Variants in PLCXD3 observed in about 807,000 individuals in gnomAD.
The protein encoded by PLCXD3 is phosphatidylinositol specific phospholipase C X domain containing 3, also known as PI-PLC X domain-containing protein 3.
A neutral mutation model predicts 25.5 loss-of-function variants in PLCXD3; 19 were observed. That is an observed-to-expected ratio of 0.75 (90% confidence interval 0.52 to 1.09). The LOEUF (loss-of-function observed/expected upper bound fraction) is 1.09, where lower values mean the gene tolerates loss of function less well. Among genes scored for constraint, PLCXD3 ranks in the 50% least tolerant of loss-of-function variants. PLCXD3 has a pLI of 0.00. For missense variants in PLCXD3, 411 were observed against 388.1 expected, an observed-to-expected ratio of 1.06 and a Z score of -0.50; for synonymous variants, 174 against 137.6, an observed-to-expected ratio of 1.26 and a Z score of -1.85.
intron 1 of PLCXD3, among the ~76,000 whole-genome samples, chr5:41,497,616 A>G (rs1169215963): frequency 6.6e-6 from 1 of 151,924 alleles, no homozygotes; most frequent in African/African-American, 2.4e-5. Flanking sequence ...TTAATACTGG[A>G]TTAATCATCC....
chr5:41,385,963 A>G (rs1745621577), intron 1 of PLCXD3, among the ~76,000 whole-genome samples: 1 of 152,140 alleles, frequency 6.6e-6, no homozygotes, highest in African/African-American at 2.4e-5. Flanking sequence ...AGACCGAAGC[A>G]GGGAACCCAG....
intron 2 of PLCXD3, among the ~76,000 whole-genome samples, chr5:41,369,613 TG>T (rs1401796329): frequency 1.3e-5 from 2 of 152,014 alleles, no homozygotes; most frequent in Admixed American, 6.6e-5. Context: ...CTTGAGTAGG[TG>T]GGATTACAGG....
chr5:41,410,301 G>GTA (rs1158902946), intron 1 of PLCXD3, among the ~76,000 whole-genome samples: 1 of 151,502 alleles, frequency 6.6e-6, no homozygotes, highest in African/African-American at 2.4e-5. Context: ...CCCCACGCCT[G>GTA]GCTAATTTTT....
chr5:41,387,031 G>C (rs536224441), intron 1 of PLCXD3, among the ~76,000 whole-genome samples: 17 of 152,096 alleles, frequency 1.1e-4, no homozygotes, highest in Admixed American at 9.2e-4. Flanking sequence ...ACTCCTCACT[G>C]AGCACTCCAT....
chr5:41,333,953 A>G (rs575107414), intron 2 of PLCXD3, among the ~76,000 whole-genome samples: 1 of 152,240 alleles, frequency 6.6e-6, no homozygotes, highest in East Asian at 1.9e-4. Flanking sequence ...TCAAATTCAA[A>G]CCCCATTTAT....
intron 1 of PLCXD3, among the ~76,000 whole-genome samples, chr5:41,416,673 G>A (rs1166811157): frequency 6.6e-6 from 1 of 152,204 alleles, no homozygotes; most frequent in Non-Finnish European, 1.5e-5. Flanking sequence ...ATAGAGCTGG[G>A]CTGGTTAAAA....
intron 1 of PLCXD3, among the ~76,000 whole-genome samples, chr5:41,461,162 A>G (rs191927892): frequency 2.0e-3 from 297 of 152,122 alleles, no homozygotes; most frequent in African/African-American, 7.0e-3. Flanking sequence ...AAGAATTGGA[A>G]CAGGTTTTTC....
intron 1 of PLCXD3, among the ~76,000 whole-genome samples, chr5:41,493,272 G>C (rs1434376898): frequency 6.6e-6 from 1 of 152,186 alleles, no homozygotes; most frequent in Non-Finnish European, 1.5e-5. Flanking sequence ...GAATGCTGCT[G>C]TCTGATCGTT....
chr5:41,353,237 C>A (rs189679541), intron 2 of PLCXD3, among the ~76,000 whole-genome samples: 1 of 151,726 alleles, frequency 6.6e-6, no homozygotes, highest in Non-Finnish European at 1.5e-5. Flanking sequence ...GGATTACAGG[C>A]GCCCGCCACC....
chr5:41,355,338 G>A (rs777945628), intron 2 of PLCXD3, among the ~76,000 whole-genome samples: 34 of 152,234 alleles, frequency 2.2e-4, no homozygotes, highest in Non-Finnish European at 4.4e-4. Context: ...ACTACAAAGT[G>A]TTTAGAACAA....
intron 1 of PLCXD3, among the ~76,000 whole-genome samples, chr5:41,455,728 C>T (rs1747738108): frequency 6.6e-6 from 1 of 152,036 alleles, no homozygotes; most frequent in South Asian, 2.1e-4. Context: ...AGGTACACTG[C>T]CTGTCCTTAA....
intron 1 of PLCXD3, among the ~76,000 whole-genome samples, chr5:41,391,981 G>A (rs1388293644): frequency 6.6e-6 from 1 of 152,132 alleles, no homozygotes; most frequent in African/African-American, 2.4e-5. Flanking sequence ...TGGAAAGAGA[G>A]GGAAGAGTGG....
intron 1 of PLCXD3, among the ~76,000 whole-genome samples, chr5:41,494,900 G>A (rs935375275): frequency 4.6e-5 from 7 of 152,292 alleles, no homozygotes; most frequent in Admixed American, 1.3e-4. Context: ...ATAACCTTAC[G>A]GAAGCATGTA....
Position 41,309,857 on chromosome 5 carries a change from C to T in PLCXD3, c.*3760G>A, listed in dbSNP as rs1743083194. The stretch of plus-strand genomic sequence containing the variant: ...TTTCATTGGTTTTCTAGTTACTTTT[C>T]TCCTCTTAAATATTTAAATATTTGA... On this transcript the variant is annotated 3_prime_UTR_variant, in exon 3 of 3. Transcript: ENST00000377801. The T allele has an allele frequency of 6.6e-6, 1 of 152,034 alleles. No homozygotes were observed. Among genetic ancestry groups the T allele is most frequent in the Admixed American group, 6.6e-5 (1 of 15,240 alleles). The allele number at this position is 152,034 out of a possible 1,614,324, so 9.4% of individuals were successfully genotyped here.
intron 1 of PLCXD3, among the ~76,000 whole-genome samples, chr5:41,476,666 G>A (rs892662886): frequency 2.0e-5 from 3 of 152,052 alleles, no homozygotes; most frequent in African/African-American, 7.2e-5. Context: ...ATTTTTCTTT[G>A]TATTCTTTCA....
chr5:41,349,735 C>G (rs1170151059), intron 2 of PLCXD3, among the ~76,000 whole-genome samples: 1 of 152,168 alleles, frequency 6.6e-6, no homozygotes, highest in Non-Finnish European at 1.5e-5. Flanking sequence ...CACAAATGCA[C>G]TAAGCAAGCC....
chr5:41,429,560 C>T (rs76143500), intron 1 of PLCXD3, among the ~76,000 whole-genome samples: 3,321 of 152,158 alleles, frequency 0.022, 69 homozygotes, highest in Admixed American at 0.036. Flanking sequence ...GGGATTTCTA[C>T]GTCACTGAAT....
intron 2 of PLCXD3, among the ~76,000 whole-genome samples, chr5:41,315,882 C>A (rs1199872120): frequency 6.6e-6 from 1 of 152,224 alleles, no homozygotes; most frequent in East Asian, 1.9e-4. Context: ...GAGGGAATCA[C>A]AGATCCCAGC....
intron 1 of PLCXD3, among the ~76,000 whole-genome samples, chr5:41,434,371 G>A (rs1046207625): frequency 5.9e-5 from 9 of 152,178 alleles, no homozygotes; most frequent in African/African-American, 1.9e-4. Context: ...TCACTGCATT[G>A]GAAAGCGAGG....
Sources: allele counts gnomAD v4.1 joint callset (sites outside exome capture counted in the v4.1 genomes callset), GRCh38; gene constraint gnomAD v4.1.1; transcripts MANE v1.5; gene names NCBI Gene and HGNC (gene_info 2026-07-23, HGNC 2026-07-21).